ZMYND8: variants seen among roughly 807,000 people sequenced by gnomAD.
The protein encoded by ZMYND8 is zinc finger MYND-type containing 8, also known as MYND-type zinc finger-containing chromatin reader ZMYND8.
In ZMYND8, 37 loss-of-function variants were observed where a neutral mutation model predicts 140.8. The observed-to-expected ratio is 0.26, with a 90% confidence interval of 0.20 to 0.35. ZMYND8 has a LOEUF of 0.35. Ranked by LOEUF, ZMYND8 falls within the 10% of genes least tolerant of loss-of-function variation. The probability of loss-of-function intolerance (pLI) is 1.00; values close to 1 mark genes in which losing one functional copy is unlikely to be tolerated. For synonymous variants in ZMYND8, 592 were observed against 597.1 expected, an observed-to-expected ratio of 0.99 and a Z score of 0.12; for missense variants, 1,068 against 1,570.0, an observed-to-expected ratio of 0.68 and a Z score of 5.40.
intron 2 of ZMYND8, among the ~76,000 whole-genome samples, chr20:47,313,187 G>A (rs1415822754): frequency 1.3e-5 from 2 of 149,454 alleles, no homozygotes; most frequent in Non-Finnish European, 3.0e-5. Context: ...CTATGATCAC[G>A]TCGGAGCCTG....
In ZMYND8 at chr20:47,219,246, C is replaced by T. The variant is rs2146895550; in HGVS notation, c.3484+1012G>A. ...CTAATTTTTGTACTTTTAGTAGAGA[C>T]AGGGTTTCACCATGTTGGTCAGGCT... On this transcript the variant is annotated intron_variant, in intron 21 of 22. Transcript: ENST00000471951. Among the ~76,000 whole-genome samples the T allele has an allele frequency of 2.0e-5, 3 of 150,884 alleles. No individual in the cohort carries two copies. The South Asian group carries it at 6.4e-4, about 32-fold the overall frequency.
intron 10 of ZMYND8, among the ~76,000 whole-genome samples, chr20:47,280,663 G>GT (rs1325537641): frequency 1.6e-4 from 24 of 152,224 alleles, no homozygotes; most frequent in African/African-American, 5.8e-4. Context: ...CTGTATTACT[G>GT]TATCAACCTA....
intron 21 of ZMYND8, among the ~76,000 whole-genome samples, chr20:47,215,472 G>A (rs1239767519): frequency 1.3e-5 from 2 of 151,762 alleles, no homozygotes; most frequent in South Asian, 2.1e-4. Context: ...GCAGCGGAGT[G>A]TGTAAAGAAA....
intron 14 of ZMYND8, among the ~76,000 whole-genome samples, chr20:47,243,460 T>G (rs2040200601): frequency 6.6e-6 from 1 of 152,254 alleles, no homozygotes; most frequent in African/African-American, 2.4e-5. Flanking sequence ...GACATCAATG[T>G]GAGGAAAAGT....
chr20:47,350,011 A>G, intron 1 of ZMYND8: 1 of 1,489,936 alleles, frequency 6.7e-7, no homozygotes. Flanking sequence ...GAAAATGCAA[A>G]CTAGTTATGT....
intron 12 of ZMYND8, among the ~76,000 whole-genome samples, chr20:47,252,842 C>T (rs898977596): frequency 1.3e-5 from 2 of 152,072 alleles, no homozygotes; most frequent in Non-Finnish European, 2.9e-5. Context: ...TCGCTTGAGC[C>T]CAGGAGGCAG....
At chr20:47,269,892 G>A (rs1393259544) in intron 11 of ZMYND8, among the ~76,000 whole-genome samples, 1 of 152,222 alleles carries the variant, frequency 6.6e-6, no homozygotes, top group African/African-American at 2.4e-5. Flanking sequence ...GGGTCAGGAT[G>A]TGTTGGTAAA....
chr20:47,263,371 G>A (rs187533094), intron 11 of ZMYND8, among the ~76,000 whole-genome samples: 1 of 152,336 alleles, frequency 6.6e-6, no homozygotes, highest in African/African-American at 2.4e-5. Flanking sequence ...ATGGCAAATT[G>A]GAGTTAGGAA....
intron 11 of ZMYND8, among the ~76,000 whole-genome samples, chr20:47,270,697 GAAAAAAA>G (rs34474269): frequency 5.2e-4 from 45 of 86,670 alleles, no homozygotes; most frequent in African/African-American, 8.1e-4. Flanking sequence ...CCCTGTCTCT[GAAAAAAA>G]AAAAAAAAAA....
chr20:47,274,026 T>TGG (rs1203510581), intron 11 of ZMYND8, among the ~76,000 whole-genome samples: 1 of 152,158 alleles, frequency 6.6e-6, no homozygotes, highest in African/African-American at 2.4e-5. Context: ...TCTACTCAAA[T>TGG]GGGGGATTCA....
chr20:47,283,432 A>C (rs750271388), intron 9 of ZMYND8, 139 bp downstream of exon 9: 52 of 847,412 alleles, frequency 6.1e-5, no homozygotes, highest in Non-Finnish European at 8.7e-5. Context: ...TCCTTCTGCC[A>C]TAATTTTATC....
At chr20:47,333,156 A>G (rs910871424) in intron 2 of ZMYND8, among the ~76,000 whole-genome samples, 6 of 151,994 alleles carry the variant, frequency 3.9e-5, no homozygotes, top group African/African-American at 1.5e-4. Flanking sequence ...AGACCAGCCT[A>G]GGCAACACAG....
Position 47,355,841 on chromosome 20 carries a change from C to T in ZMYND8, c.14+816G>A, listed in dbSNP as rs190904486. On this transcript the variant is annotated intron_variant, in intron 1 of 22. Coordinates refer to ENST00000471951, the MANE Select transcript of ZMYND8 (RefSeq NM_001281775.3). ...ATGTTGTCCAAGATCTCTCCCCCCA[C>T]CCCCCAGTCCCCATCCCTACTCCAA... Among the ~76,000 whole-genome samples, 949 of 148,994 alleles carry T rather than the reference C, an allele frequency of 6.4e-3. 8 individuals carry two copies. Among genetic ancestry groups the T allele is most frequent in the Admixed American group, 0.012 (183 of 14,912 alleles).
At chr20:47,236,265 C>A in intron 16 of ZMYND8, 61 bp downstream of exon 16, 2 of 1,607,648 alleles carry the variant, frequency 1.2e-6, no homozygotes, top group Non-Finnish European at 1.7e-6. Context: ...CTCGGGAGAC[C>A]AAGATTCTGG....
chr20:47,329,129 C>T (rs557119291), intron 2 of ZMYND8, among the ~76,000 whole-genome samples: 8 of 152,210 alleles, frequency 5.3e-5, no homozygotes, highest in African/African-American at 1.4e-4. Flanking sequence ...CCAAGCAAAA[C>T]TTAAAACTCA....
At chr20:47,247,421 GGAGTCAA>G (rs1266704963) in intron 13 of ZMYND8, among the ~76,000 whole-genome samples, 2 of 152,218 alleles carry the variant, frequency 1.3e-5, no homozygotes, top group Non-Finnish European at 2.9e-5. Flanking sequence ...CACTGGTAAA[GGAGTCAA>G]GAGAGAAGTC....
In ZMYND8 at chr20:47,229,926, G is replaced by A. The variant is rs1223261203; in HGVS notation, c.2857-120C>T. The A allele has an allele frequency of 1.9e-5, 15 of 798,240 alleles. 1 individual carries two copies. Among genetic ancestry groups the A allele is most frequent in the South Asian group, 1.3e-4 (7 of 53,728 alleles). 49.4% of individuals were successfully genotyped at this position (798,240 alleles called of 1,614,324 possible). A position where few individuals can be genotyped will look rare whatever the true frequency, so the allele number is the denominator to read the frequency against. ...TCTCAACTTAGGGCAATTTTGTCCC[G>A]CATGAGACACTGGGCATTTCTGGTT... On this transcript the variant is annotated intron_variant, in intron 16 of 22. Transcript: ENST00000471951.
intron 12 of ZMYND8, among the ~76,000 whole-genome samples, chr20:47,252,541 A>G (rs2074275813): frequency 6.6e-6 from 1 of 152,192 alleles, no homozygotes; most frequent in African/African-American, 2.4e-5. Flanking sequence ...TGACACATTC[A>G]TCAGTGTCCT....
rs1602160674 is a variant in ZMYND8, at chr20:47,348,153, C to A, written c.15-227G>T. On this transcript the variant is annotated intron_variant, in intron 1 of 22. Transcript: ENST00000471951. ...TTTTTTTTTAAGTCAAATTACTATT[C>A]CAGTTGTCATGCTATTGGGGAATGC... 4 of 557,044 alleles carry A rather than the reference C, an allele frequency of 7.2e-6. No homozygotes were observed. The East Asian group carries it at 1.3e-4, about 17-fold the overall frequency. 34.5% of individuals were successfully genotyped at this position (557,044 alleles called of 1,614,324 possible).
Sources: allele counts gnomAD v4.1 joint callset (sites outside exome capture counted in the v4.1 genomes callset), GRCh38; gene constraint gnomAD v4.1.1; transcripts MANE v1.5; gene names NCBI Gene and HGNC (gene_info 2026-07-23, HGNC 2026-07-21).